The following PTPRD variants were observed in gnomAD, a reference collection of about 807,000 sequenced individuals.
The protein encoded by PTPRD is receptor-type tyrosine-protein phosphatase delta.
PTPRD carries 34 observed loss-of-function variants against 214.5 expected under a neutral mutation model. That is an observed-to-expected ratio of 0.16 (90% CI 0.12 to 0.21). The LOEUF is 0.21. Ranked by LOEUF, PTPRD falls within the 10% of genes least tolerant of loss-of-function variation. The probability of loss-of-function intolerance (pLI) is 1.00; values close to 1 mark genes in which losing one functional copy is unlikely to be tolerated. For missense variants in PTPRD, 2,545 were observed against 2,398.7 expected, an observed-to-expected ratio of 1.06 and a Z score of -1.27; for synonymous variants, 1,128 against 845.7, an observed-to-expected ratio of 1.33 and a Z score of -5.79.
chr9:8,750,423 G>T (rs200586438), intron 11 of PTPRD, among the ~76,000 whole-genome samples: 1 of 152,098 alleles, frequency 6.6e-6, no homozygotes, highest in South Asian at 2.1e-4. Flanking sequence ...CACCGAAAGT[G>T]CTGGGATTAC....
rs137909426 is a variant in PTPRD, at chr9:8,988,933, A to G, written c.-104+29764T>C. Among the ~76,000 whole-genome samples the G allele has an allele frequency of 1.8e-3, 279 of 152,258 alleles. 1 individual carries two copies. Among genetic ancestry groups the G allele is most frequent in the Middle Eastern group, 3.4e-3 (1 of 294 alleles). ...TGAATGAATGTAAATTGACGCATTCAGAATTGGGAAAGCTAGATTCAGTTT... is the reference window on the plus strand; with the variant it reads ...TGAATGAATGTAAATTGACGCATTCGGAATTGGGAAAGCTAGATTCAGTTT... On this transcript the variant is annotated intron_variant, in intron 11 of 45. Transcript: ENST00000381196.
chr9:9,994,501 G>C (rs2096058558), intron 4 of PTPRD, among the ~76,000 whole-genome samples: 1 of 151,926 alleles, frequency 6.6e-6, no homozygotes, highest in African/African-American at 2.4e-5. Context: ...GTACATCATA[G>C]ATGCCCAATA....
intron 30 of PTPRD, among the ~76,000 whole-genome samples, chr9:8,474,617 T>G (rs1050096184): frequency 6.6e-6 from 1 of 152,216 alleles, no homozygotes; most frequent in African/African-American, 2.4e-5. Context: ...AGTTTCCTAA[T>G]AACTGCTCCA....
At chr9:8,515,592 A>G (rs1280303902) in intron 21 of PTPRD, among the ~76,000 whole-genome samples, 1 of 152,168 alleles carries the variant, frequency 6.6e-6, no homozygotes, top group Non-Finnish European at 1.5e-5. Context: ...GAAAAGGGAA[A>G]TTTGGGCATA....
chr9:9,388,868 G>T (rs1055967611), intron 9 of PTPRD, among the ~76,000 whole-genome samples: 1 of 152,034 alleles, frequency 6.6e-6, no homozygotes, highest in African/African-American at 2.4e-5. Context: ...ATAAGGGAAT[G>T]CAATAATATT....
intron 2 of PTPRD, among the ~76,000 whole-genome samples, chr9:10,412,631 CAA>C (rs1171062835): frequency 8.2e-4 from 33 of 40,374 alleles, no homozygotes; most frequent in South Asian, 3.4e-3. Flanking sequence ...CACACACACA[CAA>C]ACACACACAC....
intron 3 of PTPRD, among the ~76,000 whole-genome samples, chr9:10,333,693 T>C (rs1250143366): frequency 6.6e-6 from 1 of 151,850 alleles, no homozygotes; most frequent in Non-Finnish European, 1.5e-5. Context: ...CCAGGATATC[T>C]ACGAAGAGTT....
chr9:8,990,777 A>G (rs1275673252), intron 11 of PTPRD, among the ~76,000 whole-genome samples: 1 of 152,156 alleles, frequency 6.6e-6, no homozygotes, highest in African/African-American at 2.4e-5. Flanking sequence ...GGAGGAAGGA[A>G]TGCTTCAGAG....
intron 2 of PTPRD, among the ~76,000 whole-genome samples, chr9:10,557,335 A>G (rs1003457310): frequency 6.6e-6 from 1 of 152,138 alleles, no homozygotes; most frequent in African/African-American, 2.4e-5. Context: ...TTGTCAAAAG[A>G]TTAGCAGAGA....
At chr9:9,990,214 G>A (rs1448377584) in intron 4 of PTPRD, among the ~76,000 whole-genome samples, 1 of 152,152 alleles carries the variant, frequency 6.6e-6, no homozygotes, top group Admixed American at 6.5e-5. Flanking sequence ...GAAGGTGTTG[G>A]CCAAGGTCCT....
At chr9:8,760,265 A>G (rs761706515) in intron 11 of PTPRD, among the ~76,000 whole-genome samples, 8 of 152,194 alleles carry the variant, frequency 5.3e-5, no homozygotes, top group Non-Finnish European at 1.0e-4. Flanking sequence ...AGATACACAC[A>G]CACACAAATA....
chr9:10,039,765 A>C (rs1398742084), intron 3 of PTPRD, among the ~76,000 whole-genome samples: 1 of 152,052 alleles, frequency 6.6e-6, no homozygotes, highest in African/African-American at 2.4e-5. Flanking sequence ...ATTGAGATAT[A>C]TTTATCAAAT....
intron 14 of PTPRD, among the ~76,000 whole-genome samples, chr9:8,617,820 G>C (rs531380722): frequency 2.6e-5 from 4 of 151,996 alleles, no homozygotes; most frequent in Non-Finnish European, 5.9e-5. Flanking sequence ...TTAGACTCTT[G>C]TAAAAGTTGC....
Position 8,486,228 on chromosome 9 carries a change from C to T in PTPRD, c.2589G>A (p.Lys863=), listed in dbSNP as rs2135965500. 3.1e-6 allele frequency: 5 copies of T among 1,614,198 alleles called. No individual in the cohort carries two copies. The highest frequency in any genetic ancestry group is 4.2e-6 in the Non-Finnish European group (5 of 1,180,028). ...LQGYRLKFGR[K]DMEPLTTLEF... ...CAAGAGTAGTAAGTGGCTCCATATC[C>T]TTGCGGCCAAATTTTAGACGGTAGC... The change falls in exon 28 of 46, where the codon AAG becomes AAA. Residue 863 remains lysine, a synonymous_variant. Coordinates refer to ENST00000381196, the MANE Select transcript of PTPRD (RefSeq NM_002839.4).
chr9:10,144,998 C>T (rs1386502323), intron 3 of PTPRD, among the ~76,000 whole-genome samples: 102 of 152,024 alleles, frequency 6.7e-4, no homozygotes, highest in Non-Finnish European at 1.5e-5. Flanking sequence ...TATAAAGTCT[C>T]CTCCTTTATC....
chr9:10,169,243 G>A (rs1278870103), intron 3 of PTPRD, among the ~76,000 whole-genome samples: 1 of 151,962 alleles, frequency 6.6e-6, no homozygotes, highest in Non-Finnish European at 1.5e-5. Context: ...GGGAGGCCGA[G>A]GCAGGCGGAT....
chr9:9,812,703 G>A (rs975087693), intron 5 of PTPRD, among the ~76,000 whole-genome samples: 2 of 151,920 alleles, frequency 1.3e-5, no homozygotes, highest in Admixed American at 6.6e-5. Context: ...AAATAGTAAG[G>A]GATTTCAATA....
At chr9:8,739,053 G>A (rs1044010626) in intron 11 of PTPRD, among the ~76,000 whole-genome samples, 4 of 152,212 alleles carry the variant, frequency 2.6e-5, no homozygotes, top group Non-Finnish European at 4.4e-5. Flanking sequence ...TTATTTAAGA[G>A]AAGGATCCAT....
chr9:8,834,846 A>G (rs2097378430), intron 11 of PTPRD, among the ~76,000 whole-genome samples: 1 of 152,226 alleles, frequency 6.6e-6, no homozygotes, highest in South Asian at 2.1e-4. Context: ...GCCATTTCCC[A>G]GACTTTTCCT....
Sources: allele counts gnomAD v4.1 joint callset (sites outside exome capture counted in the v4.1 genomes callset), GRCh38; gene constraint gnomAD v4.1.1; transcripts MANE v1.5; gene names NCBI Gene and HGNC (gene_info 2026-07-23, HGNC 2026-07-21).